TMEM33: variants seen among roughly 807,000 people sequenced by gnomAD.
TMEM33 encodes the protein transmembrane protein 33.
A neutral mutation model predicts 29.7 loss-of-function variants in TMEM33; 16 were observed. That is an observed-to-expected ratio of 0.54 (90% CI 0.36 to 0.82). TMEM33 has a LOEUF of 0.82. Ranked by LOEUF, TMEM33 falls within the 40% of genes least tolerant of loss-of-function variation. The pLI is 0.00. For missense variants in TMEM33, 252 were observed against 295.3 expected, an observed-to-expected ratio of 0.85 and a Z score of 1.08; for synonymous variants, 112 against 109.4, an observed-to-expected ratio of 1.02 and a Z score of -0.15.
At chr4:41,940,046 C>CCTTTTTTT (rs1553910603) in intron 3 of TMEM33, among the ~76,000 whole-genome samples, 29 of 81,358 alleles carry the variant, frequency 3.6e-4, no homozygotes, top group African/African-American at 1.1e-3. Flanking sequence ...GTTAAACTTT[C>CCTTTTTTT]TTTTTTTTTT....
intron 1 of TMEM33, among the ~76,000 whole-genome samples, chr4:41,938,034 A>G (rs1017364363): frequency 6.6e-5 from 10 of 152,200 alleles, no homozygotes; most frequent in Non-Finnish European, 1.0e-4. Flanking sequence ...TTGTGCATGT[A>G]GGCAGATTAC....
chr4:41,959,200 A>T lies in TMEM33; in HGVS notation c.*5001A>T, dbSNP rs888305130. On this transcript the variant is annotated 3_prime_UTR_variant, in exon 7 of 7. Coordinates refer to ENST00000504986, the MANE Select transcript of TMEM33 (RefSeq NM_018126.3). ...ATTCAGGGTAGAAAGTTATGATTGG[A>T]TCTGCTGTTAAGGAGAACAAAGGAG... 1.3e-5 allele frequency: 2 copies of T among 152,204 alleles called. No homozygotes were observed. The highest frequency in any genetic ancestry group is 2.9e-5 in the Non-Finnish European group (2 of 68,038). The allele number at this position is 152,204 out of a possible 1,614,324, so 9.4% of individuals were successfully genotyped here.
chr4:41,936,119 GTAT>G (rs1466448445), intron 1 of TMEM33, among the ~76,000 whole-genome samples: 2 of 152,204 alleles, frequency 1.3e-5, no homozygotes, highest in African/African-American at 2.4e-5. Flanking sequence ...AAGTAGTTAA[GTAT>G]TATTCTGTGT....
chr4:41,939,811 A>G (rs926648156), intron 3 of TMEM33: 1 of 456,476 alleles, frequency 2.2e-6, no homozygotes, highest in African/African-American at 2.0e-5. Context: ...TTAACCAAGA[A>G]ACAACTTATT....
chr4:41,943,288 G>T (rs1447358168), intron 3 of TMEM33, among the ~76,000 whole-genome samples: 4 of 152,220 alleles, frequency 2.6e-5, no homozygotes, highest in African/African-American at 7.2e-5. Flanking sequence ...ACTTTGGGAG[G>T]CCGAGGTGGG....
chr4:41,954,375 A>T lies in TMEM33; in HGVS notation c.*176A>T. The stretch of plus-strand genomic sequence containing the variant: ...TTGGCATGTTAAATCAAGCTTAAAA[A>T]GTTTTGAGAAAATTTTACTGCGCTG... On this transcript the variant is annotated 3_prime_UTR_variant, in exon 7 of 7. Transcript: ENST00000504986. 1.3e-6 allele frequency: 1 copy of T among 763,416 alleles called. No individual in the cohort carries two copies. Among genetic ancestry groups the T allele is most frequent in the Non-Finnish European group, 1.9e-6 (1 of 517,918 alleles). 47.3% of individuals were successfully genotyped at this position (763,416 alleles called of 1,614,324 possible).
intron 6 of TMEM33, among the ~76,000 whole-genome samples, chr4:41,950,183 G>C (rs972311369): frequency 1.3e-5 from 2 of 152,062 alleles, no homozygotes; most frequent in Non-Finnish European, 2.9e-5. Context: ...GGGAATTACT[G>C]TAGTTTTCAG....
At chr4:41,945,034 A>G (rs1031126595) in intron 5 of TMEM33, 108 bp downstream of exon 5, 84 of 1,385,546 alleles carry the variant, frequency 6.1e-5, no homozygotes, top group Non-Finnish European at 7.8e-5. Flanking sequence ...ATTGACATGT[A>G]GAGCTAAATG....
chr4:41,939,758 G>C (rs571837997), intron 3 of TMEM33: 1 of 457,532 alleles, frequency 2.2e-6, no homozygotes, highest in Non-Finnish European at 4.4e-6. Context: ...GAGGTCCTCA[G>C]CTCTTTCCAT....
rs765137606 is a variant in TMEM33 at position 41,938,669 on chromosome 4, C to G, written c.113C>G (p.Ser38Cys). Reference sequence around the variant, plus strand: ...TCTCGCTTGTTCACAGTTTACTGCTCTGCTCTGTTTGTTCTGCCTCTTCTT... The same window carrying G: ...TCTCGCTTGTTCACAGTTTACTGCTGTGCTCTGTTTGTTCTGCCTCTTCTT... ...WLSRLFTVYCSALFVLPLLGL... is the reference protein window; with the variant it reads ...WLSRLFTVYCCALFVLPLLGL... Residue 38 changes from serine (S) to cysteine (C), a missense_variant, in exon 2 of 7, where the codon TCT becomes TGT. Physicochemically the swap from Ser to Cys is moderately radical, Grantham distance 112. Transcript: ENST00000504986. 3 of 1,614,120 alleles carry G rather than the reference C, an allele frequency of 1.9e-6. No individual in the cohort carries two copies. Among genetic ancestry groups the G allele is most frequent in the Admixed American group, 1.7e-5 (1 of 60,034 alleles).
rs35896467 is a variant in TMEM33, at chr4:41,945,973, C to CA, written c.530+1065dup. On this transcript the variant is annotated intron_variant, in intron 5 of 6. Coordinates refer to ENST00000504986, the MANE Select transcript of TMEM33 (RefSeq NM_018126.3). ...GCAACAGAGTGAGACTCTGTCTCAC[C>CA]AAAAAAAAAAAAAAAAAAGAAAAGG... is the stretch of plus-strand genomic sequence containing the variant. Among the ~76,000 whole-genome samples the CA allele has an allele frequency of 6.5e-3, 493 of 75,506 alleles. 1 individual carries two copies. The highest frequency in any genetic ancestry group is 0.015 in the East Asian group (29 of 1,930). 49.5% of individuals were successfully genotyped at this position (75,506 alleles called of 152,430 possible). A position where few individuals can be genotyped will look rare whatever the true frequency, so the allele number is the denominator to read the frequency against.
rs760815368 is a variant in TMEM33, at chr4:41,939,241, T to C, written c.186T>C (p.Asn62=). The C allele has an allele frequency of 2.4e-5, 38 of 1,606,896 alleles. No homozygotes were observed. In the African/African-American group the frequency reaches 4.3e-4, roughly 18 times the overall value. ...TTTACCAACGTGCTTTGCTGGCAAA[T>C]GCTCTTACCAGTGCTCTGAGGCTGC... is the stretch of plus-strand genomic sequence containing the variant. ...ASFYQRALLA[N]ALTSALRLHQ... is the part of the protein sequence containing the mutation. The change falls in exon 3 of 7, where the codon AAT becomes AAC. Residue 62 remains asparagine (N), a synonymous_variant. Coordinates refer to ENST00000504986, the MANE Select transcript of TMEM33 (RefSeq NM_018126.3).
chr4:41,953,168 A>G (rs549071407), intron 6 of TMEM33, among the ~76,000 whole-genome samples: 99 of 152,318 alleles, frequency 6.5e-4, no homozygotes, highest in African/African-American at 2.2e-3. Flanking sequence ...TGTTTTCTCT[A>G]CAATGCATTC....
intron 3 of TMEM33, among the ~76,000 whole-genome samples, chr4:41,940,046 C>CCTTTTTTTTTTTTTTTTTTTTTT (rs1553910603): frequency 1.2e-5 from 1 of 81,356 alleles, no homozygotes; most frequent in African/African-American, 5.6e-5. Context: ...GTTAAACTTT[C>CCTTTTTTTTTTTTTTTTTTTTTT]TTTTTTTTTT....
At position 41,960,579 on chromosome 4, in the gene TMEM33, C is replaced by T. The variant is rs1227301317; in HGVS notation, c.*6380C>T. ...AATTTAGCAGATACAAAAATGTTAT[C>T]TTGCAAAAGAACTAAGAACATTTGT... On this transcript the variant is annotated 3_prime_UTR_variant, in exon 7 of 7. Coordinates refer to ENST00000504986, the MANE Select transcript of TMEM33 (RefSeq NM_018126.3). 6.6e-6 allele frequency: 1 copy of T among 152,078 alleles called. No homozygotes were observed. The highest frequency in any genetic ancestry group is 1.5e-5 in the Non-Finnish European group (1 of 67,968). The allele number at this position is 152,078 out of a possible 1,614,324, so 9.4% of individuals were successfully genotyped here.
intron 5 of TMEM33, among the ~76,000 whole-genome samples, chr4:41,945,449 T>C (rs1310413189): frequency 1.3e-5 from 2 of 152,214 alleles, no homozygotes; most frequent in Non-Finnish European, 2.9e-5. Context: ...ATGATTGCTT[T>C]ATCAATTTTT....
At chr4:41,938,802 A>G in intron 2 of TMEM33, 106 bp downstream of exon 2, 1 of 1,010,940 alleles carries the variant, frequency 9.9e-7, no homozygotes, top group South Asian at 1.4e-5. Context: ...GTTTAGGGAC[A>G]AATAAAATAC....
At chr4:41,935,227 T>C, upstream of TMEM33, 2 of 579,652 alleles carry the variant, frequency 3.5e-6, no homozygotes, top group South Asian at 2.0e-5. Context: ...CCCGTCTTTC[T>C]GGAAACACCG....
At chr4:41,952,735 G>T (rs1436999222) in intron 6 of TMEM33, among the ~76,000 whole-genome samples, 1 of 152,062 alleles carries the variant, frequency 6.6e-6, no homozygotes, top group Non-Finnish European at 1.5e-5. Context: ...TAGTCGGAAG[G>T]CATAAAAGAG....
Sources: allele counts gnomAD v4.1 joint callset (sites outside exome capture counted in the v4.1 genomes callset), GRCh38; gene constraint gnomAD v4.1.1; transcripts MANE v1.5; gene names NCBI Gene and HGNC (gene_info 2026-07-23, HGNC 2026-07-21).